Variants in EBF4 observed in about 807,000 individuals in gnomAD.
EBF4 encodes the protein EBF transcription factor 4.
A neutral mutation model predicts 67.1 loss-of-function variants in EBF4; 34 were observed. The observed-to-expected ratio is 0.51, with a 90% CI of 0.39 to 0.67. The LOEUF (loss-of-function observed/expected upper bound fraction) is 0.67. Among genes scored for constraint, EBF4 ranks in the 30% least tolerant of loss-of-function variants. EBF4 has a pLI of 0.00. For missense variants in EBF4, 837 were observed against 873.3 expected (o/e 0.96, Z 0.52); for synonymous variants, 387 against 377.7 (o/e 1.02, Z -0.29).
intron 6 of EBF4, 72 bp from the exon 7 acceptor site, chr20:2,748,477 C>G: frequency 1.4e-6 from 2 of 1,416,430 alleles, no homozygotes; most frequent in Non-Finnish European, 1.9e-6. Flanking sequence ...GGGGGCATGG[C>G]AGGGAGCAGT....
At position 2,704,842 on chromosome 20, in the gene EBF4, G is replaced by A. The variant is rs569316967; in HGVS notation, c.138-735G>A. On this transcript the variant is annotated intron_variant, in intron 1 of 16. Coordinates refer to ENST00000609451, the Ensembl canonical transcript of EBF4. ...ATCACTGGGATGCAGGGGATATTTG[G>A]GGAAGAGGGAATGCCTTCCTCCTGC... Among the ~76,000 whole-genome samples, 4 of 152,302 alleles carry A rather than the reference G, an allele frequency of 2.6e-5. No individual in the cohort carries two copies. The South Asian group carries it at 8.3e-4, about 32-fold the overall frequency.
intron 6 of EBF4, among the ~76,000 whole-genome samples, chr20:2,734,986 G>T (rs1196067520): frequency 6.6e-6 from 1 of 152,168 alleles, no homozygotes; most frequent in Non-Finnish European, 1.5e-5. Flanking sequence ...GAATATGTCA[G>T]AGCTTTTCAG....
In EBF4 at chr20:2,745,677, T is replaced by C. The variant is rs2146487282; in HGVS notation, c.558-2872T>C. Among the ~76,000 whole-genome samples, 1 of 152,254 alleles carries C rather than the reference T, an allele frequency of 6.6e-6. No homozygotes were observed. Among genetic ancestry groups the C allele is most frequent in the East Asian group, 1.9e-4 (1 of 5,178 alleles). Reference sequence around the variant, plus strand: ...AGTGAGGGAGCAGGAAACCACAGCCTTGGGGAGGGCAGAAGTAAAGGATGT... The same window carrying C: ...AGTGAGGGAGCAGGAAACCACAGCCCTGGGGAGGGCAGAAGTAAAGGATGT... On this transcript the variant is annotated intron_variant, in intron 6 of 16. Coordinates refer to ENST00000609451, the Ensembl canonical transcript of EBF4. The surrounding 1 kb of genome is among the most constrained non-coding windows in gnomAD (Gnocchi z 5.2).
chr20:2,697,484 G>T (rs977936670), intron 1 of EBF4, among the ~76,000 whole-genome samples: 1 of 151,874 alleles, frequency 6.6e-6, no homozygotes, highest in Non-Finnish European at 1.5e-5. Context: ...GGCGGAGCTT[G>T]CAGTGAGCCG....
chr20:2,728,455 C>T (rs2087771921), intron 6 of EBF4, among the ~76,000 whole-genome samples: 1 of 152,142 alleles, frequency 6.6e-6, no homozygotes. Context: ...TTCACCTTCA[C>T]CCCTACTTAT....
chr20:2,752,374 A>G, exon 14 of EBF4: 2 of 1,234,652 alleles, frequency 1.6e-6, no homozygotes, highest in South Asian at 3.2e-5. Context: ...GCGCAGCTGC[A>G]GCAGCGCGTC....
At chr20:2,697,556 G>GAA (rs1295348667) in intron 1 of EBF4, among the ~76,000 whole-genome samples, 4 of 146,152 alleles carry the variant, frequency 2.7e-5, no homozygotes, top group African/African-American at 5.1e-5. Context: ...AAAAAAAAAA[G>GAA]AAAGAAAGAA....
chr20:2,726,717 C>T (rs1210162058), intron 6 of EBF4, among the ~76,000 whole-genome samples: 7 of 152,106 alleles, frequency 4.6e-5, no homozygotes, highest in Admixed American at 1.3e-4. Context: ...ATTTGTTACA[C>T]AAACTTTACA....
rs2088228240 is a variant in EBF4, at chr20:2,755,566, C to T, written c.1541-61C>T. 9 of 838,046 alleles carry T rather than the reference C, an allele frequency of 1.1e-5. No individual in the cohort carries two copies. The South Asian group carries it at 1.4e-4, about 13-fold the overall frequency. The allele number at this position is 838,046 out of a possible 1,614,324, so 51.9% of individuals were successfully genotyped here. A position where few individuals can be genotyped will look rare whatever the true frequency, so the allele number is the denominator to read the frequency against. On this transcript the variant is annotated intron_variant, in intron 14 of 16. Transcript: ENST00000609451. This position sits in a 1 kb window ranked among gnomAD's most constrained non-coding sequence, Gnocchi z 4.7. ...CAAGCTGCTCACTCTGGTGCTGTCT[C>T]CCTGTTGTGTCTCCCACCACCTTCC...
rs562861313 is a variant in EBF4 at position 2,705,428 on chromosome 20, T to G, written c.138-149T>G. ...GGAAGCGAGATGGCCCTGGTCAGGC[T>G]GGAAAGGGCCTGTCTAGTTGGATTT... is the stretch of plus-strand genomic sequence containing the variant. On this transcript the variant is annotated intron_variant, in intron 1 of 16. Coordinates refer to ENST00000609451, the Ensembl canonical transcript of EBF4. 1.5e-4 allele frequency: 166 copies of G among 1,073,924 alleles called. No homozygotes were observed. In the African/African-American group the frequency reaches 2.3e-3, roughly 15 times the overall value. The allele number at this position is 1,073,924 out of a possible 1,614,324, so 66.5% of individuals were successfully genotyped here. A position where few individuals can be genotyped will look rare whatever the true frequency, so the allele number is the denominator to read the frequency against.
chr20:2,752,161 C>A (rs758161617), exon 13 of EBF4: 4 of 1,445,818 alleles, frequency 2.8e-6, no homozygotes, highest in Admixed American at 5.1e-5. Context: ...GCCGCTCGCA[C>A]CCCTGGCCCC....
Position 2,693,699 on chromosome 20 carries a change from G to A in EBF4, c.54G>A (p.Glu18=). 7.0e-7 allele frequency: 1 copy of A among 1,427,952 alleles called. No individual in the cohort carries two copies. The highest frequency in any genetic ancestry group is 1.4e-5 in the South Asian group (1 of 71,060). The allele number at this position is 1,427,952 out of a possible 1,614,324, so 88.5% of individuals were successfully genotyped here. Reference sequence around the variant, plus strand: ...GCAGCGGGCTGAACCTGAAGGAGGAGCCGCTGCTGCCCGCCGGCCTGGGCT... The same window carrying A: ...GCAGCGGGCTGAACCTGAAGGAGGAACCGCTGCTGCCCGCCGGCCTGGGCT... Residue 18 remains glutamate, a synonymous_variant, in exon 1 of 17, where the codon GAG becomes GAA. Transcript: ENST00000609451. This position sits in a 1 kb window ranked among gnomAD's most constrained non-coding sequence, Gnocchi z 4.6.
chr20:2,758,929 G>C (rs1227264001), exon 16 of EBF4: 1 of 1,551,790 alleles, frequency 6.4e-7, no homozygotes, highest in South Asian at 1.2e-5. Context: ...TGAGGATTCT[G>C]ACAAGTTTCA....
At chr20:2,734,834 G>A (rs1329019683) in intron 6 of EBF4, among the ~76,000 whole-genome samples, 2 of 152,154 alleles carry the variant, frequency 1.3e-5, no homozygotes, top group Non-Finnish European at 2.9e-5. Flanking sequence ...GTGCTCCAGC[G>A]ATTTACAACT....
intron 6 of EBF4, among the ~76,000 whole-genome samples, chr20:2,740,186 G>A (rs959869691): frequency 1.3e-5 from 2 of 152,136 alleles, no homozygotes; most frequent in Admixed American, 6.5e-5. Flanking sequence ...GGTGGCAGTC[G>A]CCTTTAGTCC....
chr20:2,743,301 C>T (rs1350578359), intron 6 of EBF4, among the ~76,000 whole-genome samples: 3 of 152,174 alleles, frequency 2.0e-5, no homozygotes, highest in African/African-American at 4.8e-5. Context: ...CAGCGGCACC[C>T]GGAGGGTCGG....
chr20:2,729,239 G>C (rs925402789), intron 6 of EBF4, among the ~76,000 whole-genome samples: 3 of 151,852 alleles, frequency 2.0e-5, no homozygotes, highest in Non-Finnish European at 2.9e-5. Context: ...CCTATTGAGC[G>C]CATTTTCGCA....
chr20:2,738,609 C>T (rs2087923453), intron 6 of EBF4, among the ~76,000 whole-genome samples: 1 of 152,116 alleles, frequency 6.6e-6, no homozygotes, highest in Non-Finnish European at 1.5e-5. Context: ...CTCCTCTCCC[C>T]TCAGGCCTGG....
chr20:2,692,971 G>T, upstream of EBF4: 1 of 135,182 alleles, frequency 7.4e-6, no homozygotes, highest in South Asian at 2.0e-4. The surrounding 1 kb of genome is among the most constrained non-coding windows in gnomAD (Gnocchi z 6.4). Context: ...CCGGGGCTAC[G>T]GCAGGGCCGG....
Sources: allele counts gnomAD v4.1 joint callset (sites outside exome capture counted in the v4.1 genomes callset), GRCh38; gene constraint gnomAD v4.1.1; non-coding constraint Gnocchi (gnomAD v3.1); transcripts MANE v1.5; gene names NCBI Gene and HGNC (gene_info 2026-07-23, HGNC 2026-07-21).